STK11IP: variants seen among roughly 807,000 people sequenced by gnomAD.
STK11IP encodes the protein serine/threonine kinase 11 interacting protein.
STK11IP carries 103 observed loss-of-function variants against 131.7 expected under a neutral mutation model. The ratio of observed to expected loss-of-function variants is 0.78; its 90% confidence interval spans 0.67 to 0.92. The LOEUF (loss-of-function observed/expected upper bound fraction) is 0.92. STK11IP is among the 40% of genes least tolerant of loss of function. STK11IP has a pLI of 0.00. For synonymous variants in STK11IP, 557 were observed against 575.6 expected, an observed-to-expected ratio of 0.97 and a Z score of 0.46; for missense variants, 1,315 against 1,385.7, an observed-to-expected ratio of 0.95 and a Z score of 0.81.
At position 219,615,083 on chromosome 2, in the gene STK11IP, T is replaced by G; in HGVS notation, c.2870-11T>G. ...CATGACCTTCCACACTGGATGCCTC[T>G]TTCCCTGCAGGCCCTTCCACCTGCC... is the stretch of plus-strand genomic sequence containing the variant. On this transcript the variant is annotated splice_polypyrimidine_tract_variant and intron_variant, in intron 23 of 24. Transcript: ENST00000456909. The G allele has an allele frequency of 6.2e-7, 1 of 1,605,408 alleles. No individual in the cohort carries two copies. The highest frequency in any genetic ancestry group is 8.5e-7 in the Non-Finnish European group (1 of 1,177,292).
intron 13 of STK11IP, 89 bp from the exon 14 acceptor site, chr2:219,607,958 C>T: frequency 6.6e-7 from 1 of 1,518,696 alleles, no homozygotes; most frequent in East Asian, 2.3e-5. Context: ...CAGCCCATCG[C>T]CCCCTCATCG....
intron 2 of STK11IP, among the ~76,000 whole-genome samples, chr2:219,600,057 TTG>T (rs1697934590): frequency 7.3e-5 from 10 of 137,258 alleles, no homozygotes; most frequent in African/African-American, 3.0e-4. Context: ...TTTTTTGTTT[TTG>T]TTTTTTTTTT....
rs563296127 is a variant in STK11IP, at chr2:219,607,236, G to A, written c.1219+99G>A. 2.5e-5 allele frequency: 31 copies of A among 1,258,180 alleles called. 1 individual carries two copies. The highest frequency in any genetic ancestry group is 3.3e-5 in the Non-Finnish European group (29 of 883,660). The allele number at this position is 1,258,180 out of a possible 1,614,324, so 77.9% of individuals were successfully genotyped here. ...TCTGCTGGAAGAAATGTTATTTTTT[G>A]TTGGGGTAGAGTATTATAGAGGGCT... On this transcript the variant is annotated intron_variant, in intron 13 of 24. Coordinates refer to ENST00000456909, the MANE Select transcript of STK11IP (RefSeq NM_052902.4).
Position 219,615,179 on chromosome 2 carries a change from G to A in STK11IP, c.2955G>A (p.Glu985=), listed in dbSNP as rs1185654916. The change falls in exon 24 of 25, where the codon GAG becomes GAA. Residue 985 remains glutamate, a synonymous_variant. Transcript: ENST00000456909. ...LDEDAAGSPA[E]PSPPAASGEA... ...AGGATGCTGCAGGGTCCCCGGCAGAGCCCTCTCCTCCAGCAGCATCTGGCG... is the reference window on the plus strand; with the variant it reads ...AGGATGCTGCAGGGTCCCCGGCAGAACCCTCTCCTCCAGCAGCATCTGGCG... The A allele has an allele frequency of 1.9e-6, 3 of 1,600,238 alleles. No individual in the cohort carries two copies. Among genetic ancestry groups the A allele is most frequent in the Non-Finnish European group, 8.5e-7 (1 of 1,175,938 alleles).
At chr2:219,607,214 G>A (rs1231431306) in intron 13 of STK11IP, 77 bp downstream of exon 13, 1 of 1,399,224 alleles carries the variant, frequency 7.1e-7, no homozygotes, top group East Asian at 2.3e-5. Flanking sequence ...GTGAAGATCT[G>A]CTGGAAGAAA....
At chr2:219,607,209 G>T in intron 13 of STK11IP, 72 bp downstream of exon 13, 2 of 1,416,876 alleles carry the variant, frequency 1.4e-6, no homozygotes, top group Non-Finnish European at 2.0e-6. Flanking sequence ...TTACAGTGAA[G>T]ATCTGCTGGA....
chr2:219,603,867 G>A (rs928806943), intron 7 of STK11IP, among the ~76,000 whole-genome samples: 2 of 152,114 alleles, frequency 1.3e-5, no homozygotes, highest in African/African-American at 4.8e-5. Flanking sequence ...CAGCGGGGAA[G>A]AGGGTGCAAC....
chr2:219,615,004 C>T (rs1002578074), intron 23 of STK11IP, 90 bp from the exon 24 acceptor site: 3 of 1,465,346 alleles, frequency 2.0e-6, no homozygotes, highest in Non-Finnish European at 1.8e-6. Flanking sequence ...GTGTGGTTCA[C>T]ACCTCTTCTC....
chr2:219,602,842 TCCTTGACCAG>T (rs1370403891), intron 7 of STK11IP, 66 bp downstream of exon 7: 3 of 1,487,018 alleles, frequency 2.0e-6, no homozygotes, highest in Non-Finnish European at 2.8e-6. Flanking sequence ...TCACTCTCTC[TCCTTGACCAG>T]CTTTTACTCC....
At chr2:219,605,774 G>A (rs780974814) in intron 8 of STK11IP, 40 bp downstream of exon 8, 1 of 1,584,852 alleles carries the variant, frequency 6.3e-7, no homozygotes, top group South Asian at 1.1e-5. Context: ...TGGAGGGGAA[G>A]GGGGAGAGTG....
In STK11IP at chr2:219,609,452, T is replaced by C. The variant is rs1698319489; in HGVS notation, c.2016T>C (p.Cys672=). 1 of 1,611,628 alleles carries C rather than the reference T, an allele frequency of 6.2e-7. No homozygotes were observed. Among genetic ancestry groups the C allele is most frequent in the South Asian group, 1.1e-5 (1 of 90,452 alleles). The part of the protein sequence containing the change: ...ARDLLLGRFQ[C]LRCGHEFKPE... ...ACCTCCTGCTGGGTAGATTCCAGTG[T>C]CTACGCTGTGGCCATGAGTTCAAGC... Residue 672 remains cysteine (C), a synonymous_variant, in exon 17 of 25, where the codon TGT becomes TGC. Transcript: ENST00000456909.
At chr2:219,614,073 G>T (rs986313817) in intron 21 of STK11IP, 88 bp from the exon 22 acceptor site, 9 of 1,554,262 alleles carry the variant, frequency 5.8e-6, no homozygotes, top group Non-Finnish European at 7.9e-6. Flanking sequence ...ATCCAGAAAT[G>T]TGGAGAATAG....
At chr2:219,606,128 G>A in intron 9 of STK11IP, 67 bp from the exon 10 acceptor site, 1 of 1,544,004 alleles carries the variant, frequency 6.5e-7, no homozygotes, top group South Asian at 1.2e-5. Context: ...GGTTTGGTCA[G>A]TGCCTTCTTC....
At chr2:219,603,059 T>TG in intron 7 of STK11IP, among the ~76,000 whole-genome samples, 1 of 144,246 alleles carries the variant, frequency 6.9e-6, no homozygotes, top group African/African-American at 2.8e-5. Context: ...TTTTTTTTTT[T>TG]GAGATGGAGT....
intron 24 of STK11IP, 83 bp downstream of exon 24, chr2:219,615,424 G>GGT: frequency 3.9e-6 from 6 of 1,525,228 alleles, no homozygotes; most frequent in Non-Finnish European, 5.3e-6. Flanking sequence ...GTGGGAAATG[G>GGT]GTCTAGGAAC....
intron 7 of STK11IP, among the ~76,000 whole-genome samples, chr2:219,604,188 G>C (rs1469559810): frequency 1.3e-5 from 2 of 152,174 alleles, no homozygotes; most frequent in Admixed American, 1.3e-4. Flanking sequence ...CCATTCTAGG[G>C]ATGCATCCTT....
At chr2:219,603,752 C>T (rs1698065488) in intron 7 of STK11IP, among the ~76,000 whole-genome samples, 1 of 151,714 alleles carries the variant, frequency 6.6e-6, no homozygotes, top group South Asian at 2.1e-4. Context: ...GAACTCCTGA[C>T]CTCATGATCC....
At chr2:219,606,933 G>A (rs1559180827) in intron 12 of STK11IP, 75 bp downstream of exon 12, 1 of 1,585,216 alleles carries the variant, frequency 6.3e-7, no homozygotes, top group Non-Finnish European at 8.6e-7. Flanking sequence ...AGTGGGCAGG[G>A]AATGGTAGGA....
At position 219,602,499 on chromosome 2, in the gene STK11IP, G is replaced by T. The variant is rs763500336; in HGVS notation, c.470G>T (p.Cys157Phe). The change falls in exon 6 of 25, where the codon TGC becomes TTC. Residue 157 changes from cysteine to phenylalanine, a missense_variant. Coordinates refer to ENST00000456909, the MANE Select transcript of STK11IP (RefSeq NM_052902.4). ...CTCTCAGCCTGCGGCGGCGACTTCTGCTCTGCCCTCCCTTGGCTGGCTCTG... is the reference window on the plus strand; with the variant it reads ...CTCTCAGCCTGCGGCGGCGACTTCTTCTCTGCCCTCCCTTGGCTGGCTCTG... ...ELLSACGGDF[C>F]SALPWLALLS... 6.2e-7 allele frequency: 1 copy of T among 1,613,986 alleles called. No individual in the cohort carries two copies.
Sources: gnomAD v4.1 joint callset for allele counts (sites outside exome capture counted in the v4.1 genomes callset) on GRCh38, gnomAD v4.1.1 for gene constraint, MANE v1.5 for transcripts, NCBI Gene and HGNC (gene_info 2026-07-23, HGNC 2026-07-21) for gene names.